Variants in FUT8 observed in about 807,000 individuals in gnomAD.
FUT8 encodes alpha-(1,6)-fucosyltransferase.
A neutral mutation model predicts 71.3 loss-of-function variants in FUT8; 29 were observed. That is an observed-to-expected ratio of 0.41 (90% CI 0.30 to 0.55). FUT8 has a LOEUF of 0.55. Among genes scored for constraint, FUT8 ranks in the 20% least tolerant of loss-of-function variants. The pLI, the probability that FUT8 is intolerant of heterozygous loss-of-function variation, is 0.34. For synonymous variants in FUT8, 254 were observed against 239.3 expected (o/e 1.06, Z -0.57); for missense variants, 544 against 702.1 (o/e 0.77, Z 2.55).
chr14:65,654,165 A>G (rs1044094784), intron 6 of FUT8, among the ~76,000 whole-genome samples: 2 of 152,220 alleles, frequency 1.3e-5, no homozygotes, highest in Admixed American at 6.5e-5. Flanking sequence ...AAACAATGTC[A>G]TAAAAGTGGG....
At chr14:65,419,015 G>GGT (rs2065256757) in intron 1 of FUT8, among the ~76,000 whole-genome samples, 3 of 152,234 alleles carry the variant, frequency 2.0e-5, no homozygotes, top group Middle Eastern at 3.4e-3. Context: ...GATCACCTGA[G>GGT]GTCAGGAGTT....
chr14:65,579,754 C>T (rs1294518594), intron 3 of FUT8, among the ~76,000 whole-genome samples: 3 of 152,102 alleles, frequency 2.0e-5, no homozygotes, highest in Non-Finnish European at 2.9e-5. Context: ...TCATAAACTG[C>T]CTGTGCAGTT....
At chr14:65,586,616 T>C (rs563492740) in intron 3 of FUT8, among the ~76,000 whole-genome samples, 1 of 152,368 alleles carries the variant, frequency 6.6e-6, no homozygotes, top group East Asian at 1.9e-4. Context: ...TTCATGTTTC[T>C]GTTAATAACA....
chr14:65,474,462 G>A (rs2066203154), intron 2 of FUT8, among the ~76,000 whole-genome samples: 1 of 36,346 alleles, frequency 2.8e-5, no homozygotes, highest in African/African-American at 1.0e-4. Flanking sequence ...AAAAAAGCCA[G>A]GCGTGCTGGC....
chr14:65,418,586 T>C (rs184458776), intron 1 of FUT8, among the ~76,000 whole-genome samples: 9 of 152,360 alleles, frequency 5.9e-5, no homozygotes, highest in Middle Eastern at 3.4e-3. Flanking sequence ...TTATAGATTC[T>C]GTATTGTCTG....
At chr14:65,487,433 G>A (rs2066424390) in intron 2 of FUT8, among the ~76,000 whole-genome samples, 1 of 151,794 alleles carries the variant, frequency 6.6e-6, no homozygotes, top group Non-Finnish European at 1.5e-5. Context: ...TGAGGTGGTG[G>A]GTGCCTGTAA....
chr14:65,549,666 G>A (rs78230848), intron 2 of FUT8, among the ~76,000 whole-genome samples: 53,217 of 152,024 alleles, frequency 0.35, 11,622 homozygotes, highest in Non-Finnish European at 0.49. Context: ...AACTAATGAT[G>A]ATGGATGAGT....
At chr14:65,658,420 A>G (rs1028695343) in intron 6 of FUT8, among the ~76,000 whole-genome samples, 3 of 152,152 alleles carry the variant, frequency 2.0e-5, no homozygotes, top group African/African-American at 7.2e-5. Flanking sequence ...TGATCCAGCA[A>G]TCACATTCCT....
At position 65,677,114 on chromosome 14, in the gene FUT8, TTGTG is replaced by T. The variant is rs1555383258; in HGVS notation, c.835+7669_835+7672del. Reference sequence around the variant, plus strand: ...AGTTCCATTGGAAAGAAAGACATATTTGTGTGTGTGTGTGTGTGTGTGTGTGTGT... The same window carrying T: ...AGTTCCATTGGAAAGAAAGACATATTTGTGTGTGTGTGTGTGTGTGTGTGT... On this transcript the variant is annotated intron_variant, in intron 7 of 10. Coordinates refer to ENST00000673929, the MANE Select transcript of FUT8 (RefSeq NM_001371533.1). Among the ~76,000 whole-genome samples, 1,088 of 110,268 alleles carry T rather than the reference TTGTG, an allele frequency of 9.9e-3. 32 individuals are homozygous for T. The East Asian group carries it at 0.14, about 15-fold the overall frequency. The allele number at this position is 110,268 out of a possible 152,430, so 72.3% of individuals were successfully genotyped here. A position where few individuals can be genotyped will look rare whatever the true frequency, so the allele number is the denominator to read the frequency against.
chr14:65,713,251 G>A (rs1894891706), intron 7 of FUT8, among the ~76,000 whole-genome samples: 1 of 152,080 alleles, frequency 6.6e-6, no homozygotes, highest in Non-Finnish European at 1.5e-5. Context: ...TCTTTTTTAT[G>A]GCTGAATAGT....
intron 7 of FUT8, among the ~76,000 whole-genome samples, chr14:65,697,597 A>G (rs905710429): frequency 6.6e-6 from 1 of 152,214 alleles, no homozygotes; most frequent in African/African-American, 2.4e-5. Flanking sequence ...AGAAAAGTAC[A>G]ATTATGTTTT....
At chr14:65,447,054 A>G (rs1287286001) in intron 1 of FUT8, among the ~76,000 whole-genome samples, 2 of 151,440 alleles carry the variant, frequency 1.3e-5, no homozygotes, top group African/African-American at 2.4e-5. Flanking sequence ...AATTTTCTCT[A>G]TGCTATCCTA....
chr14:65,680,440 C>G (rs1251161843), intron 7 of FUT8, among the ~76,000 whole-genome samples: 1 of 152,168 alleles, frequency 6.6e-6, no homozygotes, highest in African/African-American at 2.4e-5. Flanking sequence ...CTAGCCTTAT[C>G]TGTTGAAAAC....
At chr14:65,424,345 T>C (rs2065349897) in intron 1 of FUT8, among the ~76,000 whole-genome samples, 2 of 152,194 alleles carry the variant, frequency 1.3e-5, no homozygotes, top group Admixed American at 1.3e-4. Flanking sequence ...ATCTTTACTC[T>C]TTTGAGACAG....
In FUT8 at chr14:65,412,861, C is replaced by A; in HGVS notation, c.-679C>A. 1 of 158,250 alleles carries A rather than the reference C, an allele frequency of 6.3e-6. No homozygotes were observed. The highest frequency in any genetic ancestry group is 6.5e-5 in the Admixed American group (1 of 15,368). 9.8% of individuals were successfully genotyped at this position (158,250 alleles called of 1,614,324 possible). A position where few individuals can be genotyped will look rare whatever the true frequency, so the allele number is the denominator to read the frequency against. ...TTCCCTCCTCTCCAGGCCCCCTCCC[C>A]ATCCCACCCCCGCCGCCTGGCCCCA... On this transcript the variant is annotated 5_prime_UTR_variant, in exon 1 of 11. Transcript: ENST00000673929.
intron 3 of FUT8, among the ~76,000 whole-genome samples, chr14:65,594,851 G>A (rs939581237): frequency 2.0e-5 from 3 of 151,974 alleles, no homozygotes; most frequent in Admixed American, 6.6e-5. Context: ...CTCCTCTGCC[G>A]GCTGAGTCTG....
chr14:65,388,762 CAAAAATAAAAAATA>C, the FUT8 span, among the ~76,000 whole-genome samples: 1 of 151,086 alleles, frequency 6.6e-6, no homozygotes, highest in Non-Finnish European at 1.5e-5. Flanking sequence ...ATTCCATCTC[CAAAAATAAAAAATA>C]AAAAATAAAA....
At chr14:65,461,437 A>G (rs2065967875) in intron 2 of FUT8, among the ~76,000 whole-genome samples, 1 of 152,216 alleles carries the variant, frequency 6.6e-6, no homozygotes, top group African/African-American at 2.4e-5. Context: ...TATAGGGGAC[A>G]TGTAGTTTCA....
intron 9 of FUT8, 130 bp downstream of exon 9, chr14:65,724,453 A>T: frequency 1.7e-6 from 1 of 603,720 alleles, no homozygotes; most frequent in Non-Finnish European, 2.9e-6. Context: ...AATTCAATGG[A>T]CTATGTACTT....
Sources: gnomAD v4.1 joint callset for allele counts (sites outside exome capture counted in the v4.1 genomes callset) on GRCh38, gnomAD v4.1.1 for gene constraint, MANE v1.5 for transcripts, NCBI Gene and HGNC (gene_info 2026-07-23, HGNC 2026-07-21) for gene names.